The following C1D variants were observed in gnomAD, a reference collection of about 807,000 sequenced individuals.
C1D encodes the protein nuclear nucleic acid-binding protein C1D.
In C1D, 10 loss-of-function variants were observed where a neutral mutation model predicts 17.5. That is an observed-to-expected ratio of 0.57 (90% CI 0.35 to 0.97). The LOEUF (loss-of-function observed/expected upper bound fraction) is 0.97, where lower values mean the gene tolerates loss of function less well. Ranked by LOEUF, C1D falls within the 50% of genes least tolerant of loss-of-function variation. The probability of loss-of-function intolerance (pLI) is 0.01; values close to 1 mark genes in which losing one functional copy is unlikely to be tolerated. For missense variants in C1D, 136 were observed against 160.1 expected (o/e 0.85, Z 0.81); for synonymous variants, 49 against 54.0 (o/e 0.91, Z 0.40).
chr2:68,053,002 G>A (rs1256119121), intron 1 of C1D: 38 of 1,536,984 alleles, frequency 2.5e-5, no homozygotes, highest in Non-Finnish European at 3.2e-5. Flanking sequence ...GCCAAAAGAA[G>A]TTAAAGAACA....
chr2:68,041,242 A>ATTTT lies in C1D; in HGVS notation c.*1646_*1647insAAAA, dbSNP rs1670951078. ...ATAATGAAAGAATTACTCACTTAAA[A>ATTTT]GTTACACAATTTAACAGAACGTAGA... On this transcript the variant is annotated 3_prime_UTR_variant, in exon 5 of 5. Coordinates refer to ENST00000410067, the MANE Select transcript of C1D (RefSeq NM_173177.3). The ATTTT allele has an allele frequency of 6.6e-6, 1 of 152,090 alleles. No individual in the cohort carries two copies. The highest frequency in any genetic ancestry group is 2.4e-5 in the African/African-American group (1 of 41,466). 9.4% of individuals were successfully genotyped at this position (152,090 alleles called of 1,614,324 possible).
intron 1 of C1D, among the ~76,000 whole-genome samples, chr2:68,058,843 A>G (rs1172177350): frequency 6.6e-6 from 1 of 152,148 alleles, no homozygotes. Flanking sequence ...GCAGGCCTGG[A>G]GCTACCGAAC....
At chr2:68,053,069 G>C in intron 1 of C1D, 1 of 1,550,600 alleles carries the variant, frequency 6.4e-7, no homozygotes, top group Non-Finnish European at 8.7e-7. Flanking sequence ...ACCCAGCTCT[G>C]CTCCTCACCC....
At chr2:68,048,861 A>T (rs967494970) in intron 1 of C1D, among the ~76,000 whole-genome samples, 6 of 152,216 alleles carry the variant, frequency 3.9e-5, no homozygotes, top group Non-Finnish European at 5.9e-5. Context: ...AGAAAAGCAC[A>T]GATCTACCAG....
Position 68,049,058 on chromosome 2 carries a change from G to A in C1D, c.-9-1739C>T, listed in dbSNP as rs138917324. On this transcript the variant is annotated intron_variant, in intron 1 of 4. Transcript: ENST00000410067. ...CTAAAAATACAAAAATTAGCCAGGC[G>A]TGGTGGCGCACGCCTGTAATCCCAG... Among the ~76,000 whole-genome samples, 11 of 152,118 alleles carry A rather than the reference G, an allele frequency of 7.2e-5. No homozygotes were observed. In the East Asian group the frequency reaches 7.8e-4, roughly 11 times the overall value.
At chr2:68,053,233 G>A (rs1449061193) in intron 1 of C1D, 25 of 1,542,196 alleles carry the variant, frequency 1.6e-5, no homozygotes, top group South Asian at 7.2e-5. Context: ...TGGGTTGCGG[G>A]GATGCTGCCC....
chr2:68,046,316 C>A, intron 3 of C1D, 28 bp downstream of exon 3: 1 of 1,515,606 alleles, frequency 6.6e-7, no homozygotes, highest in South Asian at 1.2e-5. Flanking sequence ...AATTTGCTTT[C>A]TAATTAATTC....
At chr2:68,044,664 C>T (rs1002331652) in intron 4 of C1D, among the ~76,000 whole-genome samples, 3 of 151,542 alleles carry the variant, frequency 2.0e-5, no homozygotes, top group African/African-American at 7.3e-5. Flanking sequence ...GCCAAGATCA[C>T]GACACTGCAC....
At position 68,042,852 on chromosome 2, in the gene C1D, TG is replaced by T; in HGVS notation, c.*36del. Reference sequence around the variant, plus strand: ...GCGGGGGGGGGGGGGGGGGGGAAGATGTACTTTTTGAATATGTGTACATCAA... The same window carrying T: ...GCGGGGGGGGGGGGGGGGGGGAAGATTACTTTTTGAATATGTGTACATCAA... On this transcript the variant is annotated 3_prime_UTR_variant, in exon 5 of 5. Transcript: ENST00000410067. 1 of 436,126 alleles carries T rather than the reference TG, an allele frequency of 2.3e-6. No homozygotes were observed. Among genetic ancestry groups the T allele is most frequent in the Non-Finnish European group, 3.7e-6 (1 of 270,238 alleles). 27.0% of individuals were successfully genotyped at this position (436,126 alleles called of 1,614,324 possible). A position where few individuals can be genotyped will look rare whatever the true frequency, so the allele number is the denominator to read the frequency against.
rs529101852 is a variant in C1D at position 68,056,585 on chromosome 2, A to G, written c.-10+6373T>C. Among the ~76,000 whole-genome samples the G allele has an allele frequency of 3.9e-5, 6 of 152,306 alleles. No individual in the cohort carries two copies. In the South Asian group the frequency reaches 1.2e-3, roughly 32 times the overall value. ...TGAATCAATTTAACAATAACAAAAAAAGTACACACAACCCAAAAGAAAAAT... is the reference window on the plus strand; with the variant it reads ...TGAATCAATTTAACAATAACAAAAAGAGTACACACAACCCAAAAGAAAAAT... On this transcript the variant is annotated intron_variant, in intron 1 of 4. Transcript: ENST00000410067.
At position 68,041,896 on chromosome 2, in the gene C1D, C is replaced by T. The variant is rs936822400; in HGVS notation, c.*993G>A. 6.6e-6 allele frequency: 1 copy of T among 152,010 alleles called. No individual in the cohort carries two copies. Among genetic ancestry groups the T allele is most frequent in the Middle Eastern group, 3.2e-3 (1 of 316 alleles). 9.4% of individuals were successfully genotyped at this position (152,010 alleles called of 1,614,324 possible). On this transcript the variant is annotated 3_prime_UTR_variant, in exon 5 of 5. Coordinates refer to ENST00000410067, the MANE Select transcript of C1D (RefSeq NM_173177.3). ...TTAAAAAAAGGTTTACTATGTAGTACTCTCTGTAACTAATATTCCAGAAAA... is the reference window on the plus strand; with the variant it reads ...TTAAAAAAAGGTTTACTATGTAGTATTCTCTGTAACTAATATTCCAGAAAA...
chr2:68,043,995 A>G (rs1231064261), intron 4 of C1D, among the ~76,000 whole-genome samples: 4 of 152,184 alleles, frequency 2.6e-5, no homozygotes, highest in Non-Finnish European at 5.9e-5. Flanking sequence ...GCCTAGAAGG[A>G]TATTTCCTCA....
rs184096036 is a variant in C1D, at chr2:68,052,547, C to T, written c.-9-5228G>A. On this transcript the variant is annotated intron_variant, in intron 1 of 4. Transcript: ENST00000410067. Reference sequence around the variant, plus strand: ...TCAGAAGAACATAGTAGAGATTTTTCCTGCAATTATTCCCTGTCCCTAAGC... The same window carrying T: ...TCAGAAGAACATAGTAGAGATTTTTTCTGCAATTATTCCCTGTCCCTAAGC... Among the ~76,000 whole-genome samples the T allele has an allele frequency of 4.1e-3, 618 of 152,164 alleles. 1 individual carries two copies. The highest frequency in any genetic ancestry group is 0.027 in the Middle Eastern group (8 of 294).
At chr2:68,044,387 C>A (rs1671057657) in intron 4 of C1D, among the ~76,000 whole-genome samples, 1 of 152,192 alleles carries the variant, frequency 6.6e-6, no homozygotes, top group Admixed American at 6.5e-5. Flanking sequence ...AGTTTCCTAT[C>A]ATACACTAAG....
intron 1 of C1D, among the ~76,000 whole-genome samples, chr2:68,050,403 C>CTCTAAT (rs1671247578): frequency 6.6e-6 from 1 of 152,128 alleles, no homozygotes; most frequent in South Asian, 2.1e-4. Flanking sequence ...TACTAACAGT[C>CTCTAAT]TCTAATTCCT....
intron 4 of C1D, among the ~76,000 whole-genome samples, chr2:68,044,715 GA>G (rs1025623750): frequency 6.7e-6 from 1 of 148,380 alleles, no homozygotes; most frequent in Admixed American, 6.7e-5. Context: ...CTCAAAAAAA[GA>G]AAAAAAAAGA....
rs763635010 is a variant in C1D at position 68,046,017 on chromosome 2, G to A, written c.232C>T (p.Pro78Ser). Residue 78 changes from proline to serine, a missense_variant, in exon 4 of 5, where the codon CCT (proline) becomes TCT (serine). Pro to Ser is a moderately conservative substitution (Grantham distance 74). Transcript: ENST00000410067. ...WVYLATQGVN[P>S]KEHPVKQELE... ...TCCTGTTTTACTGGATGTTCCTTAG[G>A]ATTAACTCCTTGGGTTGCCAAATAA... 12 of 1,589,236 alleles carry A rather than the reference G, an allele frequency of 7.6e-6. No individual in the cohort carries two copies. Among genetic ancestry groups the A allele is most frequent in the Admixed American group, 1.8e-5 (1 of 55,994 alleles).
rs1372502484 is a variant in C1D, at chr2:68,042,270, A to C, written c.*619T>G. On this transcript the variant is annotated 3_prime_UTR_variant, in exon 5 of 5. Coordinates refer to ENST00000410067, the MANE Select transcript of C1D (RefSeq NM_173177.3). ...TGCCAAAATTCATCCATCAACATAC[A>C]ACCTTATTTCCCATCTAAAGTTAAT... 1.3e-5 allele frequency: 2 copies of C among 152,546 alleles called. No individual in the cohort carries two copies. Among genetic ancestry groups the C allele is most frequent in the Admixed American group, 1.3e-4 (2 of 15,278 alleles). The allele number at this position is 152,546 out of a possible 1,614,324, so 9.4% of individuals were successfully genotyped here.
intron 4 of C1D, among the ~76,000 whole-genome samples, chr2:68,044,423 G>A (rs1028753839): frequency 1.3e-5 from 2 of 152,188 alleles, no homozygotes; most frequent in East Asian, 1.9e-4. Flanking sequence ...TAACATCTAC[G>A]CAAGGTCAGA....
Sources: gnomAD v4.1 joint callset for allele counts (sites outside exome capture counted in the v4.1 genomes callset) on GRCh38, gnomAD v4.1.1 for gene constraint, MANE v1.5 for transcripts, NCBI Gene and HGNC (gene_info 2026-07-23, HGNC 2026-07-21) for gene names.